The following PLA2G4A variants were observed in gnomAD, a reference collection of about 807,000 sequenced individuals.
PLA2G4A encodes the protein phospholipase A2 group IVA, also known as cytosolic phospholipase A2.
In PLA2G4A, 40 loss-of-function variants were observed where a neutral mutation model predicts 81.9. The observed-to-expected ratio is 0.49, with a 90% confidence interval of 0.38 to 0.64. The LOEUF (loss-of-function observed/expected upper bound fraction) is 0.64, where lower values mean the gene tolerates loss of function less well. PLA2G4A is among the 30% of genes least tolerant of loss of function. PLA2G4A has a pLI of 0.00. For missense variants in PLA2G4A, 715 were observed against 905.1 expected, an observed-to-expected ratio of 0.79 and a Z score of 2.69; for synonymous variants, 302 against 296.9, an observed-to-expected ratio of 1.02 and a Z score of -0.18.
intron 3 of PLA2G4A, 154 bp downstream of exon 3, chr1:186,870,670 T>C: frequency 1.4e-6 from 2 of 1,409,092 alleles, no homozygotes; most frequent in African/African-American, 2.9e-5. Flanking sequence ...AGTTCTCTGA[T>C]GCTATCTGTC....
At chr1:186,982,514 A>G (rs1657754129) in intron 17 of PLA2G4A, among the ~76,000 whole-genome samples, 1 of 152,238 alleles carries the variant, frequency 6.6e-6, no homozygotes, top group Admixed American at 6.5e-5. Flanking sequence ...GATTACACCC[A>G]AAGACCTTTG....
chr1:186,949,439 T>A (rs559836816), intron 12 of PLA2G4A, among the ~76,000 whole-genome samples: 20 of 145,452 alleles, frequency 1.4e-4, no homozygotes, highest in African/African-American at 4.8e-4. Context: ...AGAAAGAAAA[T>A]ACTTAAGGAA....
chr1:186,969,105 A>G (rs1432836025), intron 15 of PLA2G4A, among the ~76,000 whole-genome samples: 1 of 151,816 alleles, frequency 6.6e-6, no homozygotes, highest in Non-Finnish European at 1.5e-5. Context: ...ATTCTTGCAA[A>G]TATGACCTAA....
Position 186,907,065 on chromosome 1 carries a change from G to A in PLA2G4A, c.416+63G>A. 11 of 878,312 alleles carry A rather than the reference G, an allele frequency of 1.3e-5. No individual in the cohort carries two copies. In the South Asian group the frequency reaches 1.5e-4, roughly 12 times the overall value. The allele number at this position is 878,312 out of a possible 1,614,324, so 54.4% of individuals were successfully genotyped here. A position where few individuals can be genotyped will look rare whatever the true frequency, so the allele number is the denominator to read the frequency against. ...AGTGATCCACTAATTTATTTTAATT[G>A]TTAAAGAATTTTTTTATATATAATT... On this transcript the variant is annotated intron_variant, in intron 6 of 17. Coordinates refer to ENST00000367466, the MANE Select transcript of PLA2G4A (RefSeq NM_024420.3).
Position 186,933,443 on chromosome 1 carries a change from A to G in PLA2G4A, c.695+544A>G, listed in dbSNP as rs572257541. On this transcript the variant is annotated intron_variant, in intron 8 of 17. Transcript: ENST00000367466. ...AAATTTGTCTTTTAAATTTAGGTGG[A>G]GACTTAAAGCATCCATATGTATAAT... 7.2e-5 allele frequency among the ~76,000 whole-genome samples: 11 copies of G among 152,296 alleles called. No homozygotes were observed. In the South Asian group the frequency reaches 2.3e-3, roughly 32 times the overall value.
chr1:186,906,327 G>T (rs10798069), intron 5 of PLA2G4A, among the ~76,000 whole-genome samples: 56,595 of 152,024 alleles, frequency 0.37, 12,376 homozygotes, highest in Non-Finnish European at 0.49. Context: ...CACAAAAATT[G>T]TCTCTCTGGC....
intron 7 of PLA2G4A, among the ~76,000 whole-genome samples, chr1:186,915,428 G>A (rs757840505): frequency 6.6e-5 from 10 of 152,038 alleles, no homozygotes; most frequent in East Asian, 1.9e-4. Flanking sequence ...GTATCCCCAC[G>A]AGCCAACTTG....
At chr1:186,950,831 GA>G in intron 13 of PLA2G4A, 103 bp downstream of exon 13, 1 of 730,218 alleles carries the variant, frequency 1.4e-6, no homozygotes, top group Non-Finnish European at 2.5e-6. Context: ...CTTCACTTCA[GA>G]CACGGAAGTG....
intron 14 of PLA2G4A, 36 bp downstream of exon 14, chr1:186,956,380 A>T (rs780146854): frequency 1.3e-6 from 2 of 1,574,518 alleles, no homozygotes; most frequent in Non-Finnish European, 8.7e-7. Flanking sequence ...GAGCTAATGC[A>T]GGAGATCTTT....
At chr1:186,918,743 G>A (rs1655236711) in intron 7 of PLA2G4A, among the ~76,000 whole-genome samples, 1 of 152,236 alleles carries the variant, frequency 6.6e-6, no homozygotes, top group African/African-American at 2.4e-5. Flanking sequence ...GTGGGATTTA[G>A]GGTGTTACAG....
At chr1:186,866,916 T>C (rs1653054387) in intron 2 of PLA2G4A, among the ~76,000 whole-genome samples, 1 of 151,448 alleles carries the variant, frequency 6.6e-6, no homozygotes, top group South Asian at 2.1e-4. Context: ...TGCATGTGGA[T>C]GTCCAGTTGT....
At chr1:186,890,899 A>T (rs939217490) in intron 3 of PLA2G4A, among the ~76,000 whole-genome samples, 3 of 151,822 alleles carry the variant, frequency 2.0e-5, no homozygotes, top group Admixed American at 6.6e-5. Context: ...TCATAGAGAC[A>T]CCTCATTTCC....
Position 186,979,342 on chromosome 1 carries a change from AAG to A in PLA2G4A, c.1990_1991del (p.Glu664AsnfsTer3). The A allele has an allele frequency of 6.2e-7, 1 of 1,612,664 alleles. No individual in the cohort carries two copies. Among genetic ancestry groups the A allele is most frequent in the Non-Finnish European group, 8.5e-7 (1 of 1,178,634 alleles). On this transcript the variant is annotated frameshift_variant, in exon 17 of 18. Transcript: ENST00000367466. LOFTEE classifies it high-confidence loss of function. The stretch of plus-strand genomic sequence containing the variant: ...GTTCCAAGGGAAACTGAGGAAGAGA[AAG>A]AAATCGCTGACTTTGATATTTTTGA...
chr1:186,919,890 G>T (rs996166239), intron 7 of PLA2G4A, among the ~76,000 whole-genome samples: 2 of 152,176 alleles, frequency 1.3e-5, no homozygotes, highest in East Asian at 1.9e-4. Flanking sequence ...AGGCAGGAGG[G>T]GGGGTGTTCC....
At chr1:186,860,398 G>A (rs1005646561) in intron 2 of PLA2G4A, among the ~76,000 whole-genome samples, 2 of 132,732 alleles carry the variant, frequency 1.5e-5, no homozygotes, top group African/African-American at 2.9e-5. Flanking sequence ...CCAATCTGAG[G>A]GCAGGACAAA....
At chr1:186,857,144 T>TATATAATATA (rs1558367882) in intron 2 of PLA2G4A, among the ~76,000 whole-genome samples, 8 of 36,254 alleles carry the variant, frequency 2.2e-4, no homozygotes, top group Admixed American at 1.2e-3. Context: ...ATTATATAAT[T>TATATAATATA]ATATAATTAC....
At chr1:186,906,257 A>G (rs1407869115) in intron 5 of PLA2G4A, among the ~76,000 whole-genome samples, 4 of 152,256 alleles carry the variant, frequency 2.6e-5, no homozygotes, top group African/African-American at 7.2e-5. Context: ...ACAGATTTAC[A>G]GTCTCTGGAA....
In PLA2G4A at chr1:186,977,685, G is replaced by A; in HGVS notation, c.1857G>A (p.Glu619=). The part of the protein sequence containing the change: ...PYVFDREGLK[E]CYVFKPKNPD... ...TGTTTGATCGGGAAGGGCTGAAGGA[G>A]TGCTATGTCTTTAAACCCAAGAATC... is the stretch of plus-strand genomic sequence containing the variant. Residue 619 remains glutamate (E), a synonymous_variant, in exon 16 of 18, where the codon GAG becomes GAA. Transcript: ENST00000367466. The A allele has an allele frequency of 6.2e-7, 1 of 1,612,768 alleles. No homozygotes were observed.
chr1:186,877,168 G>A (rs1653531383), intron 3 of PLA2G4A, among the ~76,000 whole-genome samples: 3 of 152,042 alleles, frequency 2.0e-5, no homozygotes, highest in South Asian at 2.1e-4. Context: ...GTGATCAGAA[G>A]CTCCAGGAAA....
Sources: gnomAD v4.1 joint callset for allele counts (sites outside exome capture counted in the v4.1 genomes callset) on GRCh38, gnomAD v4.1.1 for gene constraint, MANE v1.5 for transcripts, NCBI Gene and HGNC (gene_info 2026-07-23, HGNC 2026-07-21) for gene names.